Variants in GRIN2B observed in about 807,000 individuals in gnomAD.
GRIN2B encodes the protein glutamate ionotropic receptor NMDA type subunit 2B, also known as glutamate receptor ionotropic, NMDA 2B.
GRIN2B carries 5 observed loss-of-function variants against 114.5 expected under a neutral mutation model. The observed-to-expected ratio is 0.04, with a 90% CI of 0.02 to 0.09. GRIN2B has a LOEUF of 0.09. Ranked by LOEUF, GRIN2B falls within the 10% of genes least tolerant of loss-of-function variation. GRIN2B has a pLI of 1.00. For synonymous variants in GRIN2B, 787 were observed against 745.1 expected (o/e 1.06, Z -0.92); for missense variants, 1,108 against 1,943.5 (o/e 0.57, Z 8.08).
At chr12:13,571,689 CTTCTTTAACATTTTA>C in intron 11 of GRIN2B, 100 bp downstream of exon 11, 1 of 1,124,130 alleles carries the variant, frequency 8.9e-7, no homozygotes, top group Non-Finnish European at 1.4e-6. Flanking sequence ...CAAATGAAGT[CTTCTTTAACATTTTA>C]TGATACCAAG....
rs890 is a variant in GRIN2B, at chr12:13,562,374, A to C, written c.*409T>G. 0.39 allele frequency: 77,502 copies of C among 199,382 alleles called. 17,924 individuals carry two copies. Among genetic ancestry groups the C allele is most frequent in the Middle Eastern group, 0.6 (267 of 444 alleles). 12.4% of individuals were successfully genotyped at this position (199,382 alleles called of 1,614,324 possible). ...GCTTCCTCACCTAAATGAAAAGATC[A>C]GTTTGGGAAAAGCTACCTTTGTGCT... On this transcript the variant is annotated 3_prime_UTR_variant, in exon 14 of 14. Coordinates refer to ENST00000609686, the MANE Select transcript of GRIN2B (RefSeq NM_000834.5).
chr12:13,838,091 C>T (rs1865310694), intron 3 of GRIN2B, among the ~76,000 whole-genome samples: 1 of 152,088 alleles, frequency 6.6e-6, no homozygotes, highest in African/African-American at 2.4e-5. Flanking sequence ...GTAAAACCAT[C>T]CATTTTTACC....
chr12:13,869,118 T>G (rs996689886), intron 2 of GRIN2B, among the ~76,000 whole-genome samples: 14 of 152,188 alleles, frequency 9.2e-5, no homozygotes, highest in Non-Finnish European at 1.5e-4. Flanking sequence ...TTATTACCAA[T>G]ATATGATGAT....
chr12:13,699,110 T>A (rs1950288027), intron 4 of GRIN2B, among the ~76,000 whole-genome samples: 1 of 152,178 alleles, frequency 6.6e-6, no homozygotes, highest in South Asian at 2.1e-4. Context: ...TAAGCATGCA[T>A]AAGGTTAAAG....
At chr12:13,604,820 G>A (rs1949215156) in intron 10 of GRIN2B, among the ~76,000 whole-genome samples, 1 of 152,160 alleles carries the variant, frequency 6.6e-6, no homozygotes, top group Non-Finnish European at 1.5e-5. Context: ...ACACTGATAT[G>A]CAGTCATTAG....
chr12:13,683,197 G>GA (rs930222342), intron 4 of GRIN2B, among the ~76,000 whole-genome samples: 1 of 151,978 alleles, frequency 6.6e-6, no homozygotes, highest in African/African-American at 2.4e-5. Flanking sequence ...TCAAATGAAT[G>GA]AAAAAAATCT....
chr12:13,628,514 C>T (rs1005425510), intron 5 of GRIN2B, among the ~76,000 whole-genome samples: 4 of 152,202 alleles, frequency 2.6e-5, no homozygotes, highest in African/African-American at 9.7e-5. Context: ...ACATACTAAA[C>T]TAACCCCTCT....
intron 2 of GRIN2B, among the ~76,000 whole-genome samples, chr12:13,898,228 C>T (rs891022410): frequency 2.0e-5 from 3 of 151,904 alleles, no homozygotes; most frequent in Admixed American, 6.6e-5. Flanking sequence ...AGGGGTTTTC[C>T]GAGTCATTAT....
chr12:13,602,756 G>A (rs11055537), intron 10 of GRIN2B, among the ~76,000 whole-genome samples: 35,476 of 152,130 alleles, frequency 0.23, 5,329 homozygotes, highest in Middle Eastern at 0.43. Context: ...TAGGTGTTAC[G>A]TGGCCATCCT....
At chr12:13,972,490 C>A (rs542413561) in intron 2 of GRIN2B, among the ~76,000 whole-genome samples, 6 of 134,988 alleles carry the variant, frequency 4.4e-5, no homozygotes, top group African/African-American at 1.6e-4. Flanking sequence ...CCTGGAAAAA[C>A]CTAACATTTT....
At chr12:13,670,951 TAAAGTA>T (rs894662690) in intron 5 of GRIN2B, among the ~76,000 whole-genome samples, 1 of 152,070 alleles carries the variant, frequency 6.6e-6, no homozygotes, top group African/African-American at 2.4e-5. Context: ...ATTTTTTTAT[TAAAGTA>T]GTTGGGTAAA....
chr12:13,909,461 G>C (rs1488295226), intron 2 of GRIN2B, among the ~76,000 whole-genome samples: 1 of 152,194 alleles, frequency 6.6e-6, no homozygotes, highest in Non-Finnish European at 1.5e-5. Flanking sequence ...ATGTACGGGA[G>C]GGCAGGAAAT....
rs1948479275 is a variant in GRIN2B at position 13,556,359 on chromosome 12, C to T, written c.*6424G>A. ...TACATTTACATATTTTATACTTATG[C>T]TTTCATATATTCTACGTGAGTACAA... On this transcript the variant is annotated 3_prime_UTR_variant, in exon 14 of 14. Transcript: ENST00000609686. The T allele has an allele frequency of 6.6e-6, 1 of 152,094 alleles. No homozygotes were observed. Among genetic ancestry groups the T allele is most frequent in the Non-Finnish European group, 1.5e-5 (1 of 68,020 alleles). The allele number at this position is 152,094 out of a possible 1,614,324, so 9.4% of individuals were successfully genotyped here.
intron 5 of GRIN2B, among the ~76,000 whole-genome samples, chr12:13,634,499 G>A (rs143574737): frequency 1.5e-3 from 221 of 152,280 alleles, no homozygotes; most frequent in African/African-American, 5.1e-3. Flanking sequence ...GTCCCTAGGA[G>A]GTGTCTGCAT....
At chr12:13,905,726 TG>T (rs1866525565) in intron 2 of GRIN2B, among the ~76,000 whole-genome samples, 1 of 152,182 alleles carries the variant, frequency 6.6e-6, no homozygotes, top group Admixed American at 6.6e-5. Context: ...AATTCACTGC[TG>T]GAGGGTTCTT....
At chr12:13,588,897 T>C (rs1948968371) in intron 10 of GRIN2B, among the ~76,000 whole-genome samples, 1 of 152,162 alleles carries the variant, frequency 6.6e-6, no homozygotes, top group Admixed American at 6.5e-5. Flanking sequence ...TAAGACTATA[T>C]TTAGCCTTGA....
intron 2 of GRIN2B, among the ~76,000 whole-genome samples, chr12:13,948,398 G>T (rs1425766031): frequency 6.6e-6 from 1 of 152,178 alleles, no homozygotes; most frequent in Non-Finnish European, 1.5e-5. Context: ...GTTCCTTGCT[G>T]AAAGAGCACT....
rs1370044078 is a variant in GRIN2B, at chr12:13,794,977, T to C, written c.412-41062A>G. Reference sequence around the variant, plus strand: ...GAGCTGCCACATGCCTAGAGCCAGCTCCTGGGATGGCTGGATAAGGCCAGA... The same window carrying C: ...GAGCTGCCACATGCCTAGAGCCAGCCCCTGGGATGGCTGGATAAGGCCAGA... On this transcript the variant is annotated intron_variant, in intron 3 of 13. Transcript: ENST00000609686. Among the ~76,000 whole-genome samples, 4 of 152,332 alleles carry C rather than the reference T, an allele frequency of 2.6e-5. No individual in the cohort carries two copies. The South Asian group carries it at 8.3e-4, about 32-fold the overall frequency.
chr12:13,599,431 AT>A (rs1949123718), intron 10 of GRIN2B, among the ~76,000 whole-genome samples: 1 of 152,206 alleles, frequency 6.6e-6, no homozygotes, highest in Non-Finnish European at 1.5e-5. Context: ...TAATTCTGAC[AT>A]CTTTAAAACC....
Sources: allele counts gnomAD v4.1 joint callset (sites outside exome capture counted in the v4.1 genomes callset), GRCh38; gene constraint gnomAD v4.1.1; transcripts MANE v1.5; gene names NCBI Gene and HGNC (gene_info 2026-07-23, HGNC 2026-07-21).